Variants in RILPL2 observed in about 807,000 individuals in gnomAD.
The protein encoded by RILPL2 is RILP-like protein 2.
A neutral mutation model predicts 22.2 loss-of-function variants in RILPL2; 19 were observed. That is an observed-to-expected ratio of 0.86 (90% CI 0.60 to 1.25). RILPL2 has a LOEUF of 1.25. Among genes scored for constraint, RILPL2 ranks in the 50% most tolerant of loss-of-function variants. The pLI is 0.00. For missense variants in RILPL2, 243 were observed against 263.6 expected (o/e 0.92, Z 0.54); for synonymous variants, 123 against 111.6 (o/e 1.10, Z -0.64).
At chr12:123,433,776 T>C (rs1011585981) in intron 1 of RILPL2, among the ~76,000 whole-genome samples, 4 of 152,170 alleles carry the variant, frequency 2.6e-5, no homozygotes, top group African/African-American at 9.6e-5. Context: ...AGATGTGAGC[T>C]TCTTGAGGGC....
chr12:123,423,144 G>A lies in RILPL2; in HGVS notation c.505C>T (p.Pro169Ser). The A allele has an allele frequency of 6.2e-7, 1 of 1,609,630 alleles. No homozygotes were observed. The highest frequency in any genetic ancestry group is 8.5e-7 in the Non-Finnish European group (1 of 1,177,262). Residue 169 changes from proline to serine, a missense_variant, in exon 3 of 4, where the codon CCA (proline) becomes TCA (serine). Transcript: ENST00000280571. ...CTTCTTCCTCCTGGGCCTTCTCTTG[G>A]TGGAATCAGGCCACTGGGAAACGGG... Reference protein sequence around the residue: ...LQCYKSGLIPPREGPGGRREK... With the variant: ...LQCYKSGLIPSREGPGGRREK...
chr12:123,409,815 C>T, the RILPL2 span, among the ~76,000 whole-genome samples: 1 of 150,148 alleles, frequency 6.7e-6, no homozygotes, highest in Non-Finnish European at 1.5e-5. Flanking sequence ...CAACCTCTAC[C>T]TCCCAGGTTC....
intron 2 of RILPL2, among the ~76,000 whole-genome samples, chr12:123,428,627 T>C (rs1256025133): frequency 6.6e-6 from 1 of 152,222 alleles, no homozygotes; most frequent in Non-Finnish European, 1.5e-5. Flanking sequence ...GGTATGTCCT[T>C]AATTCCAAGC....
Position 123,415,797 on chromosome 12 carries a change from G to C in RILPL2, c.*94C>G. 8.6e-7 allele frequency: 1 copy of C among 1,166,552 alleles called. No homozygotes were observed. The highest frequency in any genetic ancestry group is 1.3e-6 in the Non-Finnish European group (1 of 771,312). The allele number at this position is 1,166,552 out of a possible 1,614,324, so 72.3% of individuals were successfully genotyped here. On this transcript the variant is annotated 3_prime_UTR_variant, in exon 4 of 4. Coordinates refer to ENST00000280571, the MANE Select transcript of RILPL2 (RefSeq NM_145058.3). Reference sequence around the variant, plus strand: ...AAGGGGAAATAAATACACAGGCCTAGTGTGTCTGTGTGGCACAGGGAGGTG... The same window carrying C: ...AAGGGGAAATAAATACACAGGCCTACTGTGTCTGTGTGGCACAGGGAGGTG...
At chr12:123,432,350 CA>C (rs1879677119) in intron 1 of RILPL2, among the ~76,000 whole-genome samples, 1 of 152,052 alleles carries the variant, frequency 6.6e-6, no homozygotes, top group Non-Finnish European at 1.5e-5. Context: ...AGAAAAAACA[CA>C]AAAATTAGGT....
Position 123,415,856 on chromosome 12 carries a change from G to A in RILPL2, c.*35C>T. Reference sequence around the variant, plus strand: ...AGGCATCTTGGAAGGTTGTCTTCTAGAATCAGAGCCATAGCCTTACTTGTG... The same window carrying A: ...AGGCATCTTGGAAGGTTGTCTTCTAAAATCAGAGCCATAGCCTTACTTGTG... On this transcript the variant is annotated 3_prime_UTR_variant, in exon 4 of 4. Coordinates refer to ENST00000280571, the MANE Select transcript of RILPL2 (RefSeq NM_145058.3). The A allele has an allele frequency of 6.2e-7, 1 of 1,611,756 alleles. No homozygotes were observed. Among genetic ancestry groups the A allele is most frequent in the Non-Finnish European group, 8.5e-7 (1 of 1,177,810 alleles).
chr12:123,423,812 C>T (rs1445849498), intron 2 of RILPL2, among the ~76,000 whole-genome samples: 1 of 151,982 alleles, frequency 6.6e-6, no homozygotes, highest in Non-Finnish European at 1.5e-5. Context: ...CGCCACCACA[C>T]CCGGCTCATT....
chr12:123,432,002 C>A (rs1278923908), intron 1 of RILPL2, among the ~76,000 whole-genome samples: 1 of 151,628 alleles, frequency 6.6e-6, no homozygotes, highest in East Asian at 2.0e-4. Flanking sequence ...TTAAGCAATT[C>A]TTCTGCCTCA....
In RILPL2 at chr12:123,419,042, G is replaced by A. The variant is rs1367031694; in HGVS notation, c.606-3121C>T. 3.2e-5 allele frequency among the ~76,000 whole-genome samples: 4 copies of A among 125,982 alleles called. No homozygotes were observed. The Admixed American group carries it at 3.5e-4, about 11-fold the overall frequency. 82.6% of individuals were successfully genotyped at this position (125,982 alleles called of 152,430 possible). On this transcript the variant is annotated intron_variant, in intron 3 of 3. Transcript: ENST00000280571. ...TTTTTTTTTTTTGAGACGGAGTCTC[G>A]CTCTGTCACTCAGGCTGGAGTGCAG...
intron 2 of RILPL2, among the ~76,000 whole-genome samples, chr12:123,425,727 G>C (rs1879426796): frequency 6.7e-6 from 1 of 148,534 alleles, no homozygotes; most frequent in South Asian, 2.1e-4. Flanking sequence ...TTGGCTCACT[G>C]CAACCTCCAC....
Position 123,436,374 on chromosome 12 carries a change from T to A in RILPL2, c.47A>T (p.Glu16Val). 1 of 1,552,504 alleles carries A rather than the reference T, an allele frequency of 6.4e-7. No individual in the cohort carries two copies. Among genetic ancestry groups the A allele is most frequent in the South Asian group, 1.2e-5 (1 of 84,280 alleles). ...CCCAACCTCGTCCCTCTCCTCGTCC[T>A]CCTCTCCCTCCTCCTCTTCCTCTTC... is the stretch of plus-strand genomic sequence containing the variant. ...VREEEEEEGE[E>V]DEERDEVGPE... The change falls in exon 1 of 4, where the codon GAG becomes GTG. Residue 16 changes from glutamate to valine, a missense_variant. Transcript: ENST00000280571. This position sits in a 1 kb window ranked among gnomAD's most constrained non-coding sequence, Gnocchi z 6.7.
intron 2 of RILPL2, among the ~76,000 whole-genome samples, chr12:123,430,286 G>A (rs12814891): frequency 0.031 from 4,706 of 151,634 alleles, 86 homozygotes; most frequent in Middle Eastern, 0.076. Flanking sequence ...GCGGGCGCCT[G>A]TAGTCCCAGC....
Position 123,430,648 on chromosome 12 carries a change from G to A in RILPL2, c.351C>T (p.Gly117=), listed in dbSNP as rs1216534411. The change falls in exon 2 of 4, where the codon GGC becomes GGT. Residue 117 remains glycine, a synonymous_variant. Coordinates refer to ENST00000280571, the MANE Select transcript of RILPL2 (RefSeq NM_145058.3). Reference sequence around the variant, plus strand: ...TCAGGTCAACCACCATTTTGTTTGGGCCCAGGTTCACCTGGAAGAAAAGAC... The same window carrying A: ...TCAGGTCAACCACCATTTTGTTTGGACCCAGGTTCACCTGGAAGAAAAGAC... ...SPPASGEVNL[G]PNKMVVDLTD... 8 of 1,590,364 alleles carry A rather than the reference G, an allele frequency of 5.0e-6. No homozygotes were observed. The highest frequency in any genetic ancestry group is 1.4e-5 in the African/African-American group (1 of 73,874).
intron 2 of RILPL2, among the ~76,000 whole-genome samples, chr12:123,428,941 C>T (rs946688322): frequency 4.6e-5 from 7 of 152,224 alleles, no homozygotes; most frequent in Middle Eastern, 3.4e-3. Context: ...AAACATGCTT[C>T]GTTTAACTCA....
At position 123,436,350 on chromosome 12, in the gene RILPL2, C is replaced by T. The variant is rs1167288850; in HGVS notation, c.71G>A (p.Gly24Glu). ...GCTCTTGCCCAGCGCCCCCTCGGGC[C>T]CAACCTCGTCCCTCTCCTCGTCCTC... is the stretch of plus-strand genomic sequence containing the variant. ...GEEDEERDEV[G>E]PEGALGKSPF... The change falls in exon 1 of 4, where the codon GGG becomes GAG. Residue 24 changes from glycine to glutamate, a missense_variant. Coordinates refer to ENST00000280571, the MANE Select transcript of RILPL2 (RefSeq NM_145058.3). This position sits in a 1 kb window ranked among gnomAD's most constrained non-coding sequence, Gnocchi z 6.7. 1 of 1,559,190 alleles carries T rather than the reference C, an allele frequency of 6.4e-7. No individual in the cohort carries two copies. Among genetic ancestry groups the T allele is most frequent in the Non-Finnish European group, 8.7e-7 (1 of 1,151,534 alleles).
At chr12:123,410,883 T>C (rs989729724), downstream of RILPL2, 1 of 152,160 alleles carries the variant, frequency 6.6e-6, no homozygotes, top group Non-Finnish European at 1.5e-5. Flanking sequence ...TTGCTATATT[T>C]ATTTGTTCAT....
At chr12:123,430,191 G>C (rs138547196) in intron 2 of RILPL2, among the ~76,000 whole-genome samples, 10,438 of 147,662 alleles carry the variant, frequency 0.071, 466 homozygotes, top group Middle Eastern at 0.13. Flanking sequence ...GGGCAGATCA[G>C]GAGGTCAGGA....
intron 3 of RILPL2, among the ~76,000 whole-genome samples, chr12:123,419,640 C>T: frequency 6.9e-6 from 1 of 144,054 alleles, no homozygotes; most frequent in African/African-American, 2.6e-5. Flanking sequence ...GAGTCTTGCT[C>T]TATTGCCCAG....
intron 2 of RILPL2, among the ~76,000 whole-genome samples, chr12:123,423,951 C>T (rs1054980693): frequency 3.3e-5 from 5 of 152,086 alleles, no homozygotes; most frequent in African/African-American, 1.2e-4. Flanking sequence ...CCGTGCCTGA[C>T]CCTCTTGTTT....
Sources: allele counts gnomAD v4.1 joint callset (sites outside exome capture counted in the v4.1 genomes callset), GRCh38; gene constraint gnomAD v4.1.1; non-coding constraint Gnocchi (gnomAD v3.1); transcripts MANE v1.5; gene names NCBI Gene and HGNC (gene_info 2026-07-23, HGNC 2026-07-21).